NRP2: variants seen among roughly 807,000 people sequenced by gnomAD.
NRP2 encodes neuropilin-2.
In NRP2, 52 loss-of-function variants were observed where a neutral mutation model predicts 110.4. The ratio of observed to expected loss-of-function variants is 0.47; its 90% CI spans 0.38 to 0.59. The LOEUF is 0.59. Among genes scored for constraint, NRP2 ranks in the 20% least tolerant of loss-of-function variants. NRP2 has a pLI of 0.00. For missense variants in NRP2, 1,049 were observed against 1,203.0 expected (o/e 0.87, Z 1.89); for synonymous variants, 508 against 468.9 (o/e 1.08, Z -1.08).
At position 205,745,847 on chromosome 2, in the gene NRP2, G is replaced by A. The variant is rs147946484; in HGVS notation, c.1743G>A (p.Ala581=). 2.6e-4 allele frequency: 420 copies of A among 1,614,212 alleles called. No individual in the cohort carries two copies. The highest frequency in any genetic ancestry group is 9.0e-4 in the South Asian group (82 of 91,078). ...TATACCCGGAGAGGTGGTCGCCGGC[G>A]GGGATTGGGATGCGGCTGGAGGTGC... The part of the protein sequence containing the change: ...VRVYPERWSP[A]GIGMRLEVLG... Residue 581 remains alanine (A), a synonymous_variant, in exon 10 of 17, where the codon GCG becomes GCA. Transcript: ENST00000357785.
chr2:205,765,614 C>T, intron 14 of NRP2, 44 bp downstream of exon 14: 2 of 1,536,828 alleles, frequency 1.3e-6, no homozygotes, highest in African/African-American at 1.4e-5. Context: ...AAATAAGACC[C>T]CAAGGGCTGG....
chr2:205,696,876 A>G (rs1354204613), intron 1 of NRP2, among the ~76,000 whole-genome samples: 3 of 152,236 alleles, frequency 2.0e-5, no homozygotes, highest in African/African-American at 4.8e-5. Flanking sequence ...TTCGGTGTAT[A>G]ATGAAATAAT....
chr2:205,774,904 C>T (rs1247373082), intron 15 of NRP2, among the ~76,000 whole-genome samples: 1 of 152,082 alleles, frequency 6.6e-6, no homozygotes, highest in African/African-American at 2.4e-5. Flanking sequence ...GAGTGAGTTC[C>T]TCTGCTTAAG....
intron 2 of NRP2, among the ~76,000 whole-genome samples, chr2:205,707,695 T>G (rs374806425): frequency 6.6e-6 from 1 of 152,212 alleles, no homozygotes; most frequent in Non-Finnish European, 1.5e-5. Flanking sequence ...GATTCCCTGG[T>G]GCCCAGTACA....
chr2:205,690,620 AC>A (rs2056292837), intron 1 of NRP2, among the ~76,000 whole-genome samples: 1 of 143,354 alleles, frequency 7.0e-6, no homozygotes, highest in African/African-American at 2.8e-5. Flanking sequence ...ACACACACAC[AC>A]ACACACACAA....
intron 11 of NRP2, chr2:205,752,392 GAT>G (rs1340880781): frequency 3.8e-6 from 1 of 262,782 alleles, no homozygotes; most frequent in African/African-American, 2.3e-5. Context: ...AGTCTCTCTG[GAT>G]GCTAATGGGC....
chr2:205,697,779 C>T lies in NRP2; in HGVS notation c.251+58C>T, dbSNP rs547975268. On this transcript the variant is annotated intron_variant, in intron 2 of 16. Transcript: ENST00000357785. ...TCCATGAGATGCACACGCCCTGCCC[C>T]CACCCCTGCTCTTGTCACTTCTATC... 7.7e-5 allele frequency: 117 copies of T among 1,513,494 alleles called. 2 individuals are homozygous for T. The South Asian group carries it at 1.2e-3, about 16-fold the overall frequency. 93.8% of individuals were successfully genotyped at this position (1,513,494 alleles called of 1,614,324 possible).
At chr2:205,710,377 T>C (rs1404240480) in intron 2 of NRP2, among the ~76,000 whole-genome samples, 2 of 152,224 alleles carry the variant, frequency 1.3e-5, no homozygotes, top group Non-Finnish European at 1.5e-5. Context: ...ATGGTAATTG[T>C]AACAGGGCCT....
chr2:205,726,070 G>A lies in NRP2; in HGVS notation c.978G>A (p.Lys326=), dbSNP rs548412020. ...NGWTPNLDSN[K]EYLQVDLRFL... is the part of the protein sequence containing the mutation. ...GGACCCCCAACTTGGATTCCAACAA[G>A]GAGTATCTCCAGGTACTTGTGCAGA... The change falls in exon 6 of 17, where the codon AAG becomes AAA. Residue 326 remains lysine (K), a synonymous_variant. Transcript: ENST00000357785. 2.5e-6 allele frequency: 4 copies of A among 1,614,206 alleles called. No individual in the cohort carries two copies. The highest frequency in any genetic ancestry group is 1.7e-5 in the Admixed American group (1 of 60,026).
chr2:205,704,268 C>T (rs1468544394), intron 2 of NRP2, among the ~76,000 whole-genome samples: 2 of 152,280 alleles, frequency 1.3e-5, no homozygotes, highest in East Asian at 3.9e-4. Flanking sequence ...GTGGCTTCAG[C>T]TGGTCTCCGT....
At chr2:205,752,732 G>C in intron 11 of NRP2, 103 bp from the exon 12 acceptor site, 1 of 1,236,018 alleles carries the variant, frequency 8.1e-7, no homozygotes, top group East Asian at 2.4e-5. Context: ...TTCTTTCTCT[G>C]CTCTCCACTC....
chr2:205,703,592 A>G (rs577881898), intron 2 of NRP2, among the ~76,000 whole-genome samples: 7 of 152,188 alleles, frequency 4.6e-5, no homozygotes, highest in South Asian at 4.1e-4. Context: ...GGCAGGGGAC[A>G]TGATATGGAC....
chr2:205,747,199 T>C (rs1485298530), intron 10 of NRP2, among the ~76,000 whole-genome samples: 1 of 152,174 alleles, frequency 6.6e-6, no homozygotes, highest in Non-Finnish European at 1.5e-5. Context: ...CACAACCCGC[T>C]TCACTTATAA....
rs968699754 is a variant in NRP2 at position 205,740,505 on chromosome 2, A to G, written c.1147-14A>G. The G allele has an allele frequency of 6.8e-6, 11 of 1,614,214 alleles. No homozygotes were observed. In the Admixed American group the frequency reaches 1.2e-4, roughly 17 times the overall value. On this transcript the variant is annotated splice_polypyrimidine_tract_variant and intron_variant, in intron 7 of 16. Coordinates refer to ENST00000357785, the MANE Select transcript of NRP2 (RefSeq NM_003872.3). ...AGGGGTTTCAATAACATGGTTTTGC[A>G]TCTTACGCTACAGGTATTTCAAGCC...
intron 16 of NRP2, 62 bp from the exon 17 acceptor site, chr2:205,794,692 T>A: frequency 6.4e-7 from 1 of 1,563,534 alleles, no homozygotes. Context: ...CTGGGGAGGC[T>A]CAGTCACTTC....
chr2:205,790,517 G>T (rs1308022625), intron 15 of NRP2, among the ~76,000 whole-genome samples: 1 of 152,088 alleles, frequency 6.6e-6, no homozygotes, highest in African/African-American at 2.4e-5. Flanking sequence ...CAGGAGCCCC[G>T]TGGTTCTCAT....
At chr2:205,734,380 C>G (rs2057301317) in intron 7 of NRP2, among the ~76,000 whole-genome samples, 1 of 150,838 alleles carries the variant, frequency 6.6e-6, no homozygotes, top group African/African-American at 2.4e-5. Context: ...AGCCCATTGC[C>G]TTCATATCAT....
intron 15 of NRP2, among the ~76,000 whole-genome samples, chr2:205,790,078 C>T (rs796677748): frequency 2.7e-4 from 41 of 152,272 alleles, no homozygotes; most frequent in African/African-American, 8.7e-4. Flanking sequence ...CTCACTCAAA[C>T]TCAGGGGAGC....
At chr2:205,784,793 A>C (rs985510867) in intron 15 of NRP2, among the ~76,000 whole-genome samples, 2 of 152,008 alleles carry the variant, frequency 1.3e-5, no homozygotes, top group African/African-American at 2.4e-5. Context: ...TGGCATCCTT[A>C]CACTTTCTCT....
Sources: allele counts gnomAD v4.1 joint callset (sites outside exome capture counted in the v4.1 genomes callset), GRCh38; gene constraint gnomAD v4.1.1; transcripts MANE v1.5; gene names NCBI Gene and HGNC (gene_info 2026-07-23, HGNC 2026-07-21).